The following OFD1 variants were observed in gnomAD, a reference collection of about 807,000 sequenced individuals.
OFD1 encodes centriole and centriolar satellite protein OFD1.
A neutral mutation model predicts 81.4 loss-of-function variants in OFD1; 12 were observed. That is an observed-to-expected ratio of 0.15 (90% confidence interval 0.09 to 0.24). The LOEUF is 0.24. OFD1 is among the 10% of genes least tolerant of loss of function. The pLI, the probability that OFD1 is intolerant of heterozygous loss-of-function variation, is 1.00. For missense variants in OFD1, 685 were observed against 733.9 expected (o/e 0.93, Z 0.77); for synonymous variants, 256 against 263.7 (o/e 0.97, Z 0.28).
Position 13,752,857 on chromosome X carries a change from CTG to C in OFD1, c.1056-508_1056-507del, listed in dbSNP as rs781199130. The C allele has an allele frequency of 4.2e-4, 406 of 959,381 alleles. 1 individual carries two copies. In the African/African-American group the frequency reaches 5.7e-3, roughly 13 times the overall value. The allele number at this position is 959,381 out of a possible 1,213,427, so 79.1% of individuals were successfully genotyped here. A position where few individuals can be genotyped will look rare whatever the true frequency, so the allele number is the denominator to read the frequency against. On this transcript the variant is annotated intron_variant, in intron 10 of 22. Coordinates refer to ENST00000340096, the MANE Select transcript of OFD1 (RefSeq NM_003611.3). ...TAACAGCTGGGAAAGGGAAGTGAAACTGTGAAAATGTGCCTTTTGGTATTGCT... is the reference window on the plus strand; with the variant it reads ...TAACAGCTGGGAAAGGGAAGTGAAACTGAAAATGTGCCTTTTGGTATTGCT...
chrX:13,724,416 AAAAG>A, the OFD1 span, among the ~76,000 whole-genome samples: 7 of 109,404 alleles, frequency 6.4e-5, no homozygotes, highest in African/African-American at 2.3e-4. Flanking sequence ...AAAAAAAAAA[AAAAG>A]AGGCTTTTTA....
intron 10 of OFD1, among the ~76,000 whole-genome samples, chrX:13,751,997 CT>C (rs757741539): frequency 8.9e-6 from 1 of 112,111 alleles, no homozygotes; most frequent in Non-Finnish European, 1.9e-5. Context: ...ATTATAACCA[CT>C]TTTAGTTATC....
intron 9 of OFD1, among the ~76,000 whole-genome samples, chrX:13,749,942 T>C (rs774704389): frequency 8.3e-4 from 93 of 112,647 alleles, no homozygotes; most frequent in African/African-American, 2.7e-3. Context: ...GTGGTCCAAC[T>C]TGACTTGTAC....
chrX:13,718,003 G>C, the OFD1 span, among the ~76,000 whole-genome samples: 2 of 112,153 alleles, frequency 1.8e-5, no homozygotes, highest in Non-Finnish European at 3.8e-5. Flanking sequence ...CTGGAGTTAT[G>C]CTGCCACAAG....
rs746300545 is a variant in OFD1, at chrX:13,760,628, C to T, written c.2168C>T (p.Ser723Leu). The T allele has an allele frequency of 1.4e-5, 17 of 1,209,651 alleles. No individual in the cohort carries two copies. Among genetic ancestry groups the T allele is most frequent in the African/African-American group, 7.0e-5 (4 of 57,094 alleles). Reference sequence around the variant, plus strand: ...GAAGCACTGACAGGCAGTGCAGCCTCGAGGCTCCGCGGGGGCACTTCCTCC... The same window carrying T: ...GAAGCACTGACAGGCAGTGCAGCCTTGAGGCTCCGCGGGGGCACTTCCTCC... Reference protein sequence around the residue: ...VVEALTGSAASRLRGGTSSRR... With the variant: ...VVEALTGSAALRLRGGTSSRR... Residue 723 changes from serine (S) to leucine (L), a missense_variant, in exon 16 of 23, where the codon TCG (serine) becomes TTG (leucine). Coordinates refer to ENST00000340096, the MANE Select transcript of OFD1 (RefSeq NM_003611.3).
upstream of OFD1, among the ~76,000 whole-genome samples, chrX:13,730,208 C>G (rs1303963538): frequency 9.2e-6 from 1 of 109,092 alleles, no homozygotes; most frequent in Admixed American, 9.7e-5. Flanking sequence ...CTACAAAGAA[C>G]TCAAACAAAT....
the OFD1 span, chrX:13,722,202 C>CAGA: frequency 4.5e-5 from 1 of 22,084 alleles, no homozygotes; most frequent in South Asian, 3.3e-3. Context: ...TACATTTAAG[C>CAGA]AGCAGCAAAA....
At chrX:13,751,476 A>G in intron 10 of OFD1, 108 bp downstream of exon 10, 6 of 511,369 alleles carry the variant, frequency 1.2e-5, no homozygotes, top group Non-Finnish European at 1.5e-5. Flanking sequence ...TAGTGTTTGA[A>G]AAAAAAAAAA....
At chrX:13,770,526 C>CTGTT (rs200195143), downstream of OFD1, among the ~76,000 whole-genome samples, 304 of 112,544 alleles carry the variant, frequency 2.7e-3, 1 homozygote, top group African/African-American at 9.1e-3. Flanking sequence ...AGAGAGTCAA[C>CTGTT]TGTTAGAACT....
rs2047881997 is a variant in OFD1 at position 13,760,402 on chromosome X, G to T, written c.1942G>T (p.Ala648Ser). ...GCAAGAGGCCGAACGCTTGGAAAAG[G>T]CTTTCAGAAGTTACCATCGGAGAGT... is the stretch of plus-strand genomic sequence containing the variant. Reference protein sequence around the residue: ...LQQEAERLEKAFRSYHRRVIK... With the variant: ...LQQEAERLEKSFRSYHRRVIK... The change falls in exon 16 of 23, where the codon GCT (alanine) becomes TCT (serine). Residue 648 changes from alanine to serine, a missense_variant. Coordinates refer to ENST00000340096, the MANE Select transcript of OFD1 (RefSeq NM_003611.3). 8.3e-7 allele frequency: 1 copy of T among 1,204,577 alleles called. No individual in the cohort carries two copies. The highest frequency in any genetic ancestry group is 2.2e-5 in the Admixed American group (1 of 45,280).
chrX:13,717,132 G>A, the OFD1 span, among the ~76,000 whole-genome samples: 4 of 109,379 alleles, frequency 3.7e-5, no homozygotes, highest in Admixed American at 3.0e-4. Flanking sequence ...CTGAGAGGGC[G>A]GGGCTTCCTG....
chrX:13,727,589 CATT>C, the OFD1 span, among the ~76,000 whole-genome samples: 1 of 112,209 alleles, frequency 8.9e-6, no homozygotes, highest in Non-Finnish European at 1.9e-5. Flanking sequence ...CTCTGGGACA[CATT>C]TAAAGCAGTG....
intron 12 of OFD1, 41 bp downstream of exon 12, chrX:13,755,283 C>A (rs1213251291): frequency 3.1e-6 from 3 of 974,720 alleles, no homozygotes; most frequent in Non-Finnish European, 4.4e-6. Context: ...AGATTTTAAG[C>A]AATATATGAA....
At chrX:13,773,054 T>TG, downstream of OFD1, 1 of 1,197,812 alleles carries the variant, frequency 8.3e-7, no homozygotes. Flanking sequence ...GTGAGCATGA[T>TG]GGCTAGTGAG....
the OFD1 span, among the ~76,000 whole-genome samples, chrX:13,723,731 G>T: frequency 3.6e-5 from 4 of 110,611 alleles, no homozygotes; most frequent in Non-Finnish European, 7.6e-5. Flanking sequence ...AGATTAAACT[G>T]GGAAATTGAG....
At chrX:13,722,859 C>T in the OFD1 span, among the ~76,000 whole-genome samples, 6 of 111,026 alleles carry the variant, frequency 5.4e-5, no homozygotes, top group Non-Finnish European at 9.5e-5. Context: ...GTCAGGAGAT[C>T]GAGACCATCC....
rs772018123 is a variant in OFD1, at chrX:13,738,846, G to A, written c.313G>A (p.Val105Ile). The change falls in exon 4 of 23, where the codon GTA becomes ATA. Residue 105 changes from valine (V) to isoleucine (I), a missense_variant and splice_region_variant. Val to Ile is a conservative substitution (Grantham distance 29). This residue lies in a region of OFD1 where 414 missense variants were observed against 447.2 expected (regional missense o/e 0.93). Transcript: ENST00000340096. ...FPESGLAKEK[V>I]FTMQDLLQLI... ...ACTTAGTAACCTATTTTTTCTTAAG[G>A]TATTTACTATGCAGGATCTATTACA... The A allele has an allele frequency of 5.3e-6, 6 of 1,123,746 alleles. No individual in the cohort carries two copies. Among genetic ancestry groups the A allele is most frequent in the South Asian group, 1.9e-5 (1 of 53,947 alleles). The allele number at this position is 1,123,746 out of a possible 1,213,427, so 92.6% of individuals were successfully genotyped here.
rs199934720 is a variant in OFD1 at position 13,738,893 on chromosome X, T to G, written c.360T>G (p.Thr120=). 103 of 1,192,906 alleles carry G rather than the reference T, an allele frequency of 8.6e-5. 1 individual carries two copies. In the East Asian group the frequency reaches 3.0e-3, roughly 35 times the overall value. Residue 120 remains threonine (T), a synonymous_variant, in exon 4 of 23, where the codon ACT becomes ACG. Transcript: ENST00000340096. ...TACAACTCATTAAAATCAACCCTACTTCCAGTCTCTACAAATCACTGGTAA... is the reference window on the plus strand; with the variant it reads ...TACAACTCATTAAAATCAACCCTACGTCCAGTCTCTACAAATCACTGGTAA... ...DLLQLIKINP[T]SSLYKSLVSG...
chrX:13,714,578 A>G, the OFD1 span: 1 of 617,865 alleles, frequency 1.6e-6, no homozygotes, highest in Non-Finnish European at 2.4e-6. Context: ...AATCATTTTA[A>G]AGTTTTAAAT....
Sources: gnomAD v4.1 joint callset for allele counts (sites outside exome capture counted in the v4.1 genomes callset) on GRCh38, gnomAD v4.1.1 for gene constraint, gnomAD v4.1.1 regional missense constraint, MANE v1.5 for transcripts, NCBI Gene and HGNC (gene_info 2026-07-23, HGNC 2026-07-21) for gene names.